RPS6KA2: variants seen among roughly 807,000 people sequenced by gnomAD.
The protein encoded by RPS6KA2 is ribosomal protein S6 kinase alpha-2.
RPS6KA2 carries 42 observed loss-of-function variants against 91.8 expected under a neutral mutation model. The observed-to-expected ratio is 0.46, with a 90% CI of 0.36 to 0.59. The LOEUF (loss-of-function observed/expected upper bound fraction) is 0.59. RPS6KA2 is among the 20% of genes least tolerant of loss of function. The pLI is 0.00. For missense variants in RPS6KA2, 798 were observed against 978.5 expected, an observed-to-expected ratio of 0.82 and a Z score of 2.46; for synonymous variants, 414 against 393.6, an observed-to-expected ratio of 1.05 and a Z score of -0.61.
chr6:166,718,035 G>C (rs1038410731), intron 2 of RPS6KA2, among the ~76,000 whole-genome samples: 1 of 152,074 alleles, frequency 6.6e-6, no homozygotes, highest in Non-Finnish European at 1.5e-5. Flanking sequence ...TTTTAGTAGA[G>C]ACAGGTTTTG....
At chr6:166,862,374 C>T (rs968536997) in exon 1 of RPS6KA2, 2 of 1,410,036 alleles carry the variant, frequency 1.4e-6, no homozygotes, top group South Asian at 1.4e-5. Context: ...GAGGAGGGAC[C>T]CGGGGGGCTG....
chr6:166,413,194 C>A (rs1167893428), intron 20 of RPS6KA2, among the ~76,000 whole-genome samples: 1 of 151,660 alleles, frequency 6.6e-6, no homozygotes, highest in East Asian at 1.9e-4. Context: ...GTCACGTGAT[C>A]CCCTGCATTC....
intron 10 of RPS6KA2, among the ~76,000 whole-genome samples, chr6:166,483,112 T>C (rs1025723062): frequency 6.6e-6 from 1 of 152,150 alleles, no homozygotes; most frequent in Non-Finnish European, 1.5e-5. Context: ...ATGGGGCCGC[T>C]TTTATAGGAC....
At chr6:166,499,023 G>A (rs1206985359) in intron 7 of RPS6KA2, among the ~76,000 whole-genome samples, 1 of 152,214 alleles carries the variant, frequency 6.6e-6, no homozygotes, top group East Asian at 1.9e-4. Context: ...GAAGGCAGGT[G>A]TGTGGCTGAC....
At chr6:166,792,665 T>C (rs1779122412) in intron 2 of RPS6KA2, among the ~76,000 whole-genome samples, 1 of 152,190 alleles carries the variant, frequency 6.6e-6, no homozygotes, top group African/African-American at 2.4e-5. Flanking sequence ...CATGATCAAG[T>C]TGGCTTCATC....
At chr6:166,541,839 CATA>C (rs1783666185) in intron 1 of RPS6KA2, among the ~76,000 whole-genome samples, 1 of 152,202 alleles carries the variant, frequency 6.6e-6, no homozygotes, top group African/African-American at 2.4e-5. Context: ...GAAGTACACA[CATA>C]ATTTCATCTC....
chr6:166,588,867 A>G (rs973911903), intron 1 of RPS6KA2, among the ~76,000 whole-genome samples: 1 of 152,182 alleles, frequency 6.6e-6, no homozygotes, highest in Non-Finnish European at 1.5e-5. Context: ...GAGGCCATGC[A>G]TAGGTGGCCA....
chr6:166,505,197 G>A (rs1483802757), intron 5 of RPS6KA2, among the ~76,000 whole-genome samples: 5 of 151,982 alleles, frequency 3.3e-5, no homozygotes, highest in African/African-American at 9.7e-5. Flanking sequence ...CTGAGGGGGC[G>A]GGATGGGGAG....
chr6:166,796,519 G>A (rs1443965496), intron 2 of RPS6KA2, among the ~76,000 whole-genome samples: 7 of 151,734 alleles, frequency 4.6e-5, no homozygotes, highest in Non-Finnish European at 8.8e-5. Flanking sequence ...AACCTGGGAG[G>A]TGGAGGTTGC....
intron 2 of RPS6KA2, among the ~76,000 whole-genome samples, chr6:166,704,115 A>C (rs566894186): frequency 6.6e-5 from 10 of 152,354 alleles, no homozygotes; most frequent in Admixed American, 1.3e-4. Flanking sequence ...CCGGAAAAGA[A>C]CAATTCTCCC....
intron 1 of RPS6KA2, among the ~76,000 whole-genome samples, chr6:166,552,845 A>G (rs923790718): frequency 7.2e-5 from 11 of 152,260 alleles, no homozygotes. Context: ...TCAGTGGCAT[A>G]GCAGGGATGG....
chr6:166,848,339 A>G (rs1236685256), intron 2 of RPS6KA2, among the ~76,000 whole-genome samples: 1 of 152,224 alleles, frequency 6.6e-6, no homozygotes. Context: ...ACCACTATGG[A>G]AAACAGTGTG....
chr6:166,531,909 G>A (rs1035891051), intron 2 of RPS6KA2, among the ~76,000 whole-genome samples: 1 of 152,140 alleles, frequency 6.6e-6, no homozygotes, highest in African/African-American at 2.4e-5. Context: ...GTAATTGAGA[G>A]CTTGAGTTTA....
rs149928036 is a variant in RPS6KA2, at chr6:166,504,639, AC to A, written c.460-28del. ...TAGTAAGAAAAAAACAAAAACAAAAACAAAAAACGTTTAACTTGTTTTATGG... is the reference window on the plus strand; with the variant it reads ...TAGTAAGAAAAAAACAAAAACAAAAAAAAAAACGTTTAACTTGTTTTATGG... On this transcript the variant is annotated intron_variant, in intron 5 of 20. Transcript: ENST00000265678. 7,264 of 1,484,874 alleles carry A rather than the reference AC, an allele frequency of 4.9e-3. 198 individuals are homozygous for A. The African/African-American group carries it at 0.081, about 16-fold the overall frequency. 92.0% of individuals were successfully genotyped at this position (1,484,874 alleles called of 1,614,324 possible). A position where few individuals can be genotyped will look rare whatever the true frequency, so the allele number is the denominator to read the frequency against.
At chr6:166,837,464 C>T (rs974889430) in intron 2 of RPS6KA2, among the ~76,000 whole-genome samples, 2 of 152,192 alleles carry the variant, frequency 1.3e-5, no homozygotes, top group African/African-American at 4.8e-5. Context: ...GGCTCTGTAC[C>T]ACAAGAGGGA....
At chr6:166,558,204 G>A (rs752936514) in intron 1 of RPS6KA2, among the ~76,000 whole-genome samples, 28 of 152,082 alleles carry the variant, frequency 1.8e-4, no homozygotes, top group Middle Eastern at 3.4e-3. Context: ...AGAAGCTGAC[G>A]AGTCCCAAGG....
rs1230817757 is a variant in RPS6KA2, at chr6:166,508,836, G to C, written c.380-554C>G. Among the ~76,000 whole-genome samples, 2 of 152,168 alleles carry C rather than the reference G, an allele frequency of 1.3e-5. No homozygotes were observed. Among genetic ancestry groups the C allele is most frequent in the East Asian group, 3.9e-4 (2 of 5,178 alleles). On this transcript the variant is annotated intron_variant, in intron 4 of 20. Transcript: ENST00000265678. The surrounding 1 kb of genome is among the most constrained non-coding windows in gnomAD (Gnocchi z 4.3). ...CTCACGTCCTAGGTCTGGTCACTGT[G>C]AGCTATAACTGCAGACTTTCTGTTT...
At chr6:166,775,944 C>A (rs556708350) in intron 2 of RPS6KA2, among the ~76,000 whole-genome samples, 3 of 151,992 alleles carry the variant, frequency 2.0e-5, no homozygotes, top group Non-Finnish European at 2.9e-5. Flanking sequence ...AAGACAGACA[C>A]GCGTGGAGGG....
chr6:166,625,054 G>A (rs562903367), intron 1 of RPS6KA2, among the ~76,000 whole-genome samples: 45 of 152,072 alleles, frequency 3.0e-4, no homozygotes, highest in South Asian at 2.3e-3. Flanking sequence ...GAATGGTCTC[G>A]ATCTCCTGAC....
Sources: allele counts gnomAD v4.1 joint callset (sites outside exome capture counted in the v4.1 genomes callset), GRCh38; gene constraint gnomAD v4.1.1; non-coding constraint Gnocchi (gnomAD v3.1); transcripts MANE v1.5; gene names NCBI Gene and HGNC (gene_info 2026-07-23, HGNC 2026-07-21).